The following CCDC33 variants were observed in gnomAD, a reference collection of about 807,000 sequenced individuals.
The protein encoded by CCDC33 is coiled-coil domain containing 33, also known as coiled-coil domain-containing protein 33.
Under a neutral mutation model 91.9 loss-of-function variants are expected in CCDC33, and 94 were observed. That is an observed-to-expected ratio of 1.02 (90% CI 0.87 to 1.21). The LOEUF is 1.21. Ranked by LOEUF, CCDC33 falls within the 50% of genes most tolerant of loss-of-function variation. The probability of loss-of-function intolerance (pLI) is 0.00; values close to 1 mark genes in which losing one functional copy is unlikely to be tolerated. For missense variants in CCDC33, 940 were observed against 935.5 expected (o/e 1.00, Z -0.06); for synonymous variants, 396 against 374.5 (o/e 1.06, Z -0.66).
chr15:74,262,473 C>T lies in CCDC33; in HGVS notation c.219C>T (p.Ser73=), dbSNP rs376836220. 2.5e-6 allele frequency: 4 copies of T among 1,613,956 alleles called. No individual in the cohort carries two copies. The highest frequency in any genetic ancestry group is 2.7e-5 in the African/African-American group (2 of 74,904). ...CATCTGAGGAAAAGAACAATCAGAGCTCCAAGGCAGTCACATCTGTGACCT... is the reference window on the plus strand; with the variant it reads ...CATCTGAGGAAAAGAACAATCAGAGTTCCAAGGCAGTCACATCTGTGACCT... ...KSTSEEKNNQ[S]SKAVTSVTSE... is the part of the protein sequence containing the mutation. Residue 73 remains serine (S), a synonymous_variant, in exon 3 of 19, where the codon AGC becomes AGT. Coordinates refer to ENST00000398814, the MANE Select transcript of CCDC33 (RefSeq NM_025055.5).
intron 2 of CCDC33, among the ~76,000 whole-genome samples, chr15:74,246,194 A>G (rs569682042): frequency 3.0e-4 from 45 of 152,378 alleles, no homozygotes; most frequent in Admixed American, 2.4e-3. Flanking sequence ...GAAGACTTCA[A>G]TGTAAGACCT....
At position 74,330,696 on chromosome 15, in the gene CCDC33, T is replaced by C; in HGVS notation, c.1490T>C (p.Leu497Pro). ...SMKQKLLLSE[L>P]DMKKLRDRVQ... ...AAGCAGAAACTGCTGCTGAGTGAGC[T>C]GGATATGAAGAAACTGAGGGACAGG... The change falls in exon 13 of 19, where the codon CTG (leucine) becomes CCG (proline). Residue 497 changes from leucine to proline, a missense_variant. Coordinates refer to ENST00000398814, the MANE Select transcript of CCDC33 (RefSeq NM_025055.5). The C allele has an allele frequency of 6.2e-7, 1 of 1,613,390 alleles. No homozygotes were observed. The highest frequency in any genetic ancestry group is 8.5e-7 in the Non-Finnish European group (1 of 1,179,942).
At chr15:74,298,239 A>C (rs1291762130) in intron 11 of CCDC33, among the ~76,000 whole-genome samples, 1 of 152,028 alleles carries the variant, frequency 6.6e-6, no homozygotes, top group Non-Finnish European at 1.5e-5. Context: ...TGGAGTCTGC[A>C]CTGTACTTAT....
rs182658929 is a variant in CCDC33 at position 74,250,903 on chromosome 15, G to A, written c.185+6755G>A. On this transcript the variant is annotated intron_variant, in intron 2 of 18. Coordinates refer to ENST00000398814, the MANE Select transcript of CCDC33 (RefSeq NM_025055.5). ...GGTGCTAGACAGTGTGAGATGCTGC[G>A]GGTCTAAAGCTCTACAGGGGGAAGG... Among the ~76,000 whole-genome samples the A allele has an allele frequency of 2.6e-4, 39 of 152,310 alleles. 1 individual carries two copies. In the East Asian group the frequency reaches 5.6e-3, roughly 22 times the overall value.
chr15:74,330,702 TGAA>T lies in CCDC33; in HGVS notation c.1500_1502del (p.Lys501del). ...AAACTGCTGCTGAGTGAGCTGGATA[TGAA>T]GAAACTGAGGGACAGGGTGCAGCAT... On this transcript the variant is annotated inframe_deletion, in exon 13 of 19. Coordinates refer to ENST00000398814, the MANE Select transcript of CCDC33 (RefSeq NM_025055.5). The T allele has an allele frequency of 6.2e-7, 1 of 1,613,262 alleles. No homozygotes were observed. Among genetic ancestry groups the T allele is most frequent in the South Asian group, 1.1e-5 (1 of 91,050 alleles).
intron 14 of CCDC33, 30 bp downstream of exon 14, chr15:74,331,142 C>CA: frequency 6.2e-7 from 1 of 1,613,572 alleles, no homozygotes; most frequent in Non-Finnish European, 8.5e-7. Flanking sequence ...CCCCCGAGGC[C>CA]AACTGATGAT....
intron 2 of CCDC33, among the ~76,000 whole-genome samples, chr15:74,221,809 C>T (rs1318738926): frequency 3.3e-5 from 5 of 152,260 alleles, no homozygotes; most frequent in Admixed American, 3.3e-4. Context: ...TTCCCAGAGG[C>T]TCAGGGTGCT....
chr15:74,322,076 G>A (rs1341923056), intron 11 of CCDC33, among the ~76,000 whole-genome samples: 1 of 152,180 alleles, frequency 6.6e-6, no homozygotes, highest in African/African-American at 2.4e-5. Flanking sequence ...GAAAGAGGTG[G>A]AAATTCAAAG....
At chr15:74,336,206 C>A (rs2060564942), downstream of CCDC33, 1 of 1,432,626 alleles carries the variant, frequency 7.0e-7, no homozygotes, top group Admixed American at 2.7e-5. Flanking sequence ...AGACCTCACT[C>A]TGGGCCTGGG....
chr15:74,332,563 G>A, intron 15 of CCDC33, 116 bp from the exon 16 acceptor site: 1 of 1,097,734 alleles, frequency 9.1e-7, no homozygotes, highest in Non-Finnish European at 1.3e-6. Context: ...AGCCATTGAA[G>A]GCTTGGGAGT....
chr15:74,287,658 C>A (rs956284525), intron 10 of CCDC33, among the ~76,000 whole-genome samples: 26 of 152,148 alleles, frequency 1.7e-4, no homozygotes, highest in African/African-American at 6.3e-4. Context: ...CCCGTCTTTA[C>A]TAAAAATACA....
At chr15:74,217,841 G>T (rs2074488047) in intron 1 of CCDC33, among the ~76,000 whole-genome samples, 1 of 152,118 alleles carries the variant, frequency 6.6e-6, no homozygotes, top group Non-Finnish European at 1.5e-5. Flanking sequence ...ATGAGAGATG[G>T]CTTTGTAAAT....
intron 11 of CCDC33, among the ~76,000 whole-genome samples, chr15:74,310,650 G>A (rs1335405267): frequency 6.6e-6 from 1 of 152,208 alleles, no homozygotes; most frequent in Non-Finnish European, 1.5e-5. Flanking sequence ...CAGCGAGAGT[G>A]CTGCCCCCAG....
intron 1 of CCDC33, chr15:74,203,161 TCTC>T (rs1288807595): frequency 1.0e-5 from 10 of 985,360 alleles, no homozygotes; most frequent in Non-Finnish European, 8.4e-6. Flanking sequence ...GTCCGTTTCT[TCTC>T]CTAGGGTTTC....
At chr15:74,305,593 A>AG (rs2059878892) in intron 11 of CCDC33, among the ~76,000 whole-genome samples, 1 of 152,256 alleles carries the variant, frequency 6.6e-6, no homozygotes, top group Non-Finnish European at 1.5e-5. Context: ...ACATGAGCAC[A>AG]GGGAGCAAAA....
rs912579195 is a variant in CCDC33 at position 74,316,322 on chromosome 15, A to T, written c.1291-13867A>T. Reference sequence around the variant, plus strand: ...CCTCCCGCCAGAGCAGGGCTGGAAGACTGCCATGTCTGGGGCCAGGCTGAG... The same window carrying T: ...CCTCCCGCCAGAGCAGGGCTGGAAGTCTGCCATGTCTGGGGCCAGGCTGAG... On this transcript the variant is annotated intron_variant, in intron 11 of 18. Coordinates refer to ENST00000398814, the MANE Select transcript of CCDC33 (RefSeq NM_025055.5). The surrounding 1 kb of genome is among the most constrained non-coding windows in gnomAD (Gnocchi z 4.7). Among the ~76,000 whole-genome samples, 14 of 152,322 alleles carry T rather than the reference A, an allele frequency of 9.2e-5. No individual in the cohort carries two copies. The highest frequency in any genetic ancestry group is 3.9e-4 in the East Asian group (2 of 5,180).
chr15:74,229,062 G>A (rs533348211), intron 2 of CCDC33, among the ~76,000 whole-genome samples: 13 of 152,276 alleles, frequency 8.5e-5, no homozygotes, highest in South Asian at 2.1e-4. Flanking sequence ...TCCAGTGGGC[G>A]AGGTACCCAA....
intron 1 of CCDC33, among the ~76,000 whole-genome samples, chr15:74,203,700 G>A (rs1316200162): frequency 2.0e-5 from 3 of 152,208 alleles, no homozygotes; most frequent in East Asian, 3.8e-4. Context: ...ACAGTTCAGC[G>A]GGGACACAGC....
intron 11 of CCDC33, among the ~76,000 whole-genome samples, chr15:74,304,997 A>G (rs551359643): frequency 6.6e-6 from 1 of 151,302 alleles, no homozygotes; most frequent in South Asian, 2.1e-4. Flanking sequence ...AGGAGGGAGT[A>G]GTGCAATGGC....
Sources: allele counts gnomAD v4.1 joint callset (sites outside exome capture counted in the v4.1 genomes callset), GRCh38; gene constraint gnomAD v4.1.1; non-coding constraint Gnocchi (gnomAD v3.1); transcripts MANE v1.5; gene names NCBI Gene and HGNC (gene_info 2026-07-23, HGNC 2026-07-21).